Variants in HRH2 observed in about 807,000 individuals in gnomAD.
HRH2 encodes histamine receptor H2, also known as histamine H2 receptor.
A neutral mutation model predicts 20.1 loss-of-function variants in HRH2; 4 were observed. The ratio of observed to expected loss-of-function variants is 0.20; its 90% CI spans 0.10 to 0.45. The LOEUF (loss-of-function observed/expected upper bound fraction) is 0.45. Ranked by LOEUF, HRH2 falls within the 20% of genes least tolerant of loss-of-function variation. The pLI, the probability that HRH2 is intolerant of heterozygous loss-of-function variation, is 0.99. For missense variants in HRH2, 250 were observed against 461.6 expected (o/e 0.54, Z 4.20); for synonymous variants, 197 against 200.7 (o/e 0.98, Z 0.16).
At chr5:175,699,879 C>A (rs867722314) in intron 2 of HRH2, among the ~76,000 whole-genome samples, 1 of 152,122 alleles carries the variant, frequency 6.6e-6, no homozygotes, top group Non-Finnish European at 1.5e-5. Flanking sequence ...TTTTAGGGAC[C>A]CTCAGGGACA....
At chr5:175,691,814 C>T (rs1161732115) in intron 2 of HRH2, among the ~76,000 whole-genome samples, 4 of 149,786 alleles carry the variant, frequency 2.7e-5, no homozygotes, top group African/African-American at 9.9e-5. Context: ...ACCTGGGAGG[C>T]GGAGGTTGCA....
chr5:175,664,579 G>A (rs972901579), intron 1 of HRH2, among the ~76,000 whole-genome samples: 5 of 152,114 alleles, frequency 3.3e-5, no homozygotes, highest in Non-Finnish European at 5.9e-5. Flanking sequence ...AGGAATCAGC[G>A]GCGCAGACCT....
intron 2 of HRH2, 25 bp from the exon 3 acceptor site, chr5:175,707,754 C>T (rs943911332): frequency 7.5e-6 from 3 of 398,514 alleles, no homozygotes; most frequent in African/African-American, 6.2e-5. Flanking sequence ...CCACCTCAGC[C>T]TGGCATGTGC....
At position 175,683,556 on chromosome 5, in the gene HRH2, A is replaced by C. The variant is rs757001738; in HGVS notation, c.323A>C (p.Asn108Thr). 1 of 1,613,726 alleles carries C rather than the reference A, an allele frequency of 6.2e-7. No homozygotes were observed. The highest frequency in any genetic ancestry group is 8.5e-7 in the Non-Finnish European group (1 of 1,179,916). The change falls in exon 2 of 3, where the codon AAC (asparagine) becomes ACC (threonine). Residue 108 changes from asparagine (N) to threonine (T), a missense_variant. Around this residue, in one of 5 missense-constraint regions of HRH2, gnomAD observed 86 missense variants for 176.4 expected, o/e 0.49. Coordinates refer to ENST00000636584, the MANE Select transcript of HRH2 (RefSeq NM_001367711.1). Reference sequence around the variant, plus strand: ...ATGCTCTGCACAGCCTCCATTCTTAACCTCTTCATGATCAGCCTCGACCGG... The same window carrying C: ...ATGCTCTGCACAGCCTCCATTCTTACCCTCTTCATGATCAGCCTCGACCGG... ...DVMLCTASIL[N>T]LFMISLDRYC...
intron 2 of HRH2, among the ~76,000 whole-genome samples, chr5:175,700,959 T>G (rs1756772307): frequency 6.6e-6 from 1 of 151,872 alleles, no homozygotes; most frequent in Admixed American, 6.6e-5. Context: ...TTTAAAGCAG[T>G]GGGAATAACA....
At position 175,675,893 on chromosome 5, in the gene HRH2, A is replaced by G. The variant is rs77309700; in HGVS notation, c.-525-6816A>G. Among the ~76,000 whole-genome samples the G allele has an allele frequency of 8.6e-3, 1,310 of 152,316 alleles. 20 individuals are homozygous for G. The highest frequency in any genetic ancestry group is 0.03 in the African/African-American group (1,241 of 41,564). On this transcript the variant is annotated intron_variant, in intron 1 of 2. Transcript: ENST00000636584. ...ATGGTGAAAAAGAAGCCTTTCTCCC[A>G]TCCTGTCCCAGCTCCCATTTCCTCC...
Position 175,677,807 on chromosome 5 carries a change from C to T in HRH2, c.-525-4902C>T, listed in dbSNP as rs931618468. ...GGCCCACCCCCAGCTGCCACACCCT[C>T]GAATCCTGATCTGCAGCAGGAGGTC... On this transcript the variant is annotated intron_variant, in intron 1 of 2. Transcript: ENST00000636584. This position sits in a 1 kb window ranked among gnomAD's most constrained non-coding sequence, Gnocchi z 4.2. Among the ~76,000 whole-genome samples the T allele has an allele frequency of 1.3e-5, 2 of 152,178 alleles. No homozygotes were observed. Among genetic ancestry groups the T allele is most frequent in the African/African-American group, 2.4e-5 (1 of 41,446 alleles).
chr5:175,659,611 G>A (rs888337531), intron 1 of HRH2, among the ~76,000 whole-genome samples: 5 of 152,146 alleles, frequency 3.3e-5, no homozygotes, highest in Non-Finnish European at 7.4e-5. Flanking sequence ...TTGCCATGTG[G>A]TCACACCGGT....
intron 1 of HRH2, among the ~76,000 whole-genome samples, chr5:175,675,777 C>T (rs542455206): frequency 6.6e-6 from 1 of 152,326 alleles, no homozygotes; most frequent in Admixed American, 6.5e-5. Flanking sequence ...CTTCTCCTTC[C>T]ATTCTCCACC....
chr5:175,673,961 T>A (rs954328203), intron 1 of HRH2, among the ~76,000 whole-genome samples: 2 of 152,182 alleles, frequency 1.3e-5, no homozygotes, highest in African/African-American at 2.4e-5. Flanking sequence ...CGCCTCTGCC[T>A]CCTAAAGTGC....
intron 1 of HRH2, 54 bp downstream of exon 1, chr5:175,658,209 C>A (rs553732402): frequency 1.3e-5 from 2 of 151,928 alleles, no homozygotes; most frequent in South Asian, 2.1e-4. Context: ...GGGTCCCAGG[C>A]GGGCTTGGGG....
intron 2 of HRH2, among the ~76,000 whole-genome samples, chr5:175,703,602 T>G (rs1226720992): frequency 6.6e-6 from 1 of 152,084 alleles, no homozygotes; most frequent in Non-Finnish European, 1.5e-5. Context: ...AAGACAAAGA[T>G]TTAATAATGA....
At chr5:175,669,060 G>A (rs974214582) in intron 1 of HRH2, among the ~76,000 whole-genome samples, 2 of 151,782 alleles carry the variant, frequency 1.3e-5, no homozygotes, top group South Asian at 4.2e-4. Flanking sequence ...ACTGAGTGTA[G>A]CCTCCACCTC....
chr5:175,709,960 T>TTTGA lies in HRH2; in HGVS notation c.*1992_*1995dup. ...GGCCCTGCTGTTCTTTTCCTTTTAGTTTGATTAACTCACTCTGCCCATTCC... is the reference window on the plus strand; with the variant it reads ...GGCCCTGCTGTTCTTTTCCTTTTAGTTTGATTGATTAACTCACTCTGCCCATTCC... On this transcript the variant is annotated 3_prime_UTR_variant, in exon 3 of 3. Transcript: ENST00000636584. 6.6e-6 allele frequency: 1 copy of TTTGA among 152,662 alleles called. No homozygotes were observed. Among genetic ancestry groups the TTTGA allele is most frequent in the South Asian group, 2.1e-4 (1 of 4,840 alleles). The allele number at this position is 152,662 out of a possible 1,614,324, so 9.5% of individuals were successfully genotyped here.
At chr5:175,707,394 C>A (rs1316456411) in intron 2 of HRH2, among the ~76,000 whole-genome samples, 2 of 152,224 alleles carry the variant, frequency 1.3e-5, no homozygotes, top group African/African-American at 2.4e-5. Flanking sequence ...CACGCCACTG[C>A]CCTCCAGCCT....
At chr5:175,695,065 C>G (rs1037766342) in intron 2 of HRH2, among the ~76,000 whole-genome samples, 13 of 152,120 alleles carry the variant, frequency 8.5e-5, no homozygotes, top group African/African-American at 3.1e-4. Flanking sequence ...ATGACACAGA[C>G]AAGCCAGGGC....
chr5:175,695,310 G>T (rs1013948680), intron 2 of HRH2, among the ~76,000 whole-genome samples: 4 of 152,110 alleles, frequency 2.6e-5, no homozygotes, highest in Non-Finnish European at 4.4e-5. Flanking sequence ...TTCTTCACTT[G>T]TCAAAGGGGA....
intron 1 of HRH2, among the ~76,000 whole-genome samples, chr5:175,671,403 C>T (rs1039990509): frequency 6.6e-6 from 1 of 152,128 alleles, no homozygotes; most frequent in Non-Finnish European, 1.5e-5. Flanking sequence ...AAGGGCAAAA[C>T]CTCCAAGGAA....
At chr5:175,701,837 T>C (rs1357163257) in intron 2 of HRH2, among the ~76,000 whole-genome samples, 1 of 152,182 alleles carries the variant, frequency 6.6e-6, no homozygotes, top group Middle Eastern at 3.2e-3. Context: ...CACTTACTGC[T>C]CGGCAGATAT....
Sources: allele counts gnomAD v4.1 joint callset (sites outside exome capture counted in the v4.1 genomes callset), GRCh38; gene constraint gnomAD v4.1.1; regional missense constraint gnomAD v4.1.1; non-coding constraint Gnocchi (gnomAD v3.1); transcripts MANE v1.5; gene names NCBI Gene and HGNC (gene_info 2026-07-23, HGNC 2026-07-21).